The following VPS36 variants were observed in gnomAD, a reference collection of about 807,000 sequenced individuals.
VPS36 encodes vacuolar protein-sorting-associated protein 36.
In VPS36, 31 loss-of-function variants were observed where a neutral mutation model predicts 63.5. That is an observed-to-expected ratio of 0.49 (90% CI 0.37 to 0.66). The LOEUF is 0.66. Ranked by LOEUF, VPS36 falls within the 30% of genes least tolerant of loss-of-function variation. VPS36 has a pLI of 0.00. For synonymous variants in VPS36, 138 were observed against 157.2 expected, an observed-to-expected ratio of 0.88 and a Z score of 0.91; for missense variants, 338 against 463.7, an observed-to-expected ratio of 0.73 and a Z score of 2.49.
intron 1 of VPS36, among the ~76,000 whole-genome samples, chr13:52,447,940 A>T (rs1958361790): frequency 6.6e-6 from 1 of 152,218 alleles, no homozygotes; most frequent in South Asian, 2.1e-4. Context: ...TAGGCAAGTC[A>T]CTGTATCTCT....
At chr13:52,417,939 C>G in intron 11 of VPS36, 53 bp downstream of exon 11, 1 of 1,518,668 alleles carries the variant, frequency 6.6e-7, no homozygotes, top group Non-Finnish European at 9.1e-7. Flanking sequence ...TCCCATCTAC[C>G]CCATGCAGAA....
rs1303398600 is a variant in VPS36, at chr13:52,441,013, T to C, written c.165+1364A>G. The stretch of plus-strand genomic sequence containing the variant: ...AATAGGGTTCCTGCTCCTATGAGAA[T>C]CTAATGCGTCTGCTGATCTGATGGG... On this transcript the variant is annotated intron_variant, in intron 2 of 13. Transcript: ENST00000378060. Among the ~76,000 whole-genome samples the C allele has an allele frequency of 2.0e-5, 3 of 152,178 alleles. No individual in the cohort carries two copies. The East Asian group carries it at 5.8e-4, about 29-fold the overall frequency.
At position 52,442,413 on chromosome 13, in the gene VPS36, A is replaced by G. The variant is rs371441721; in HGVS notation, c.129T>C (p.Ser43=). ...IKFDAGTLLL[S]THRLIWRDQK... is the part of the protein sequence containing the mutation. ...GATCTCTCCAAATCAGTCGGTGTGT[A>G]CTAAGAAGGAGAGTCCCAGCATCAA... Residue 43 remains serine (S), a synonymous_variant, in exon 2 of 14, where the codon AGT becomes AGC. Transcript: ENST00000378060. 62 of 1,612,716 alleles carry G rather than the reference A, an allele frequency of 3.8e-5. 1 individual carries two copies. In the South Asian group the frequency reaches 5.2e-4, roughly 13 times the overall value.
chr13:52,431,329 G>A (rs958451697), intron 6 of VPS36, among the ~76,000 whole-genome samples: 5 of 152,102 alleles, frequency 3.3e-5, no homozygotes, highest in African/African-American at 9.7e-5. Flanking sequence ...AGATAAGTAC[G>A]CTCTTGTTAG....
rs1444354802 is a variant in VPS36 at position 52,413,455 on chromosome 13, A to G, written c.*2375T>C. On this transcript the variant is annotated 3_prime_UTR_variant, in exon 14 of 14. Coordinates refer to ENST00000378060, the MANE Select transcript of VPS36 (RefSeq NM_016075.4). ...ACATAACTGGCTTTAGTATGATTAAAGGTTTCTCATTTGCATATATGTTTC... is the reference window on the plus strand; with the variant it reads ...ACATAACTGGCTTTAGTATGATTAAGGGTTTCTCATTTGCATATATGTTTC... 1.3e-5 allele frequency: 2 copies of G among 152,236 alleles called. No individual in the cohort carries two copies. The highest frequency in any genetic ancestry group is 2.4e-5 in the African/African-American group (1 of 41,474). 9.4% of individuals were successfully genotyped at this position (152,236 alleles called of 1,614,324 possible). A position where few individuals can be genotyped will look rare whatever the true frequency, so the allele number is the denominator to read the frequency against.
Position 52,415,919 on chromosome 13 carries a change from G to A in VPS36, c.1072C>T (p.Leu358=), listed in dbSNP as rs574568412. The stretch of plus-strand genomic sequence containing the variant: ...AGATGGCCCATCTTCTCTGCAAGCA[G>A]CAACCTAAAAAAAAACAACAAAAAA... ...MSVLLAKERL[L]LAEKMGHLCR... is the part of the protein sequence containing the mutation. Residue 358 remains leucine, a synonymous_variant, in exon 14 of 14, where the codon CTG becomes TTG. Transcript: ENST00000378060. 108 of 1,613,336 alleles carry A rather than the reference G, an allele frequency of 6.7e-5. No individual in the cohort carries two copies. The South Asian group carries it at 1.1e-3, about 16-fold the overall frequency.
intron 12 of VPS36, among the ~76,000 whole-genome samples, chr13:52,416,515 T>G (rs1018545350): frequency 9.9e-5 from 15 of 152,114 alleles, no homozygotes; most frequent in African/African-American, 3.6e-4. Flanking sequence ...TAGTTGAAAA[T>G]GAGAAGGATA....
intron 1 of VPS36, among the ~76,000 whole-genome samples, chr13:52,448,731 T>C (rs1958369812): frequency 6.6e-6 from 1 of 152,260 alleles, no homozygotes; most frequent in Non-Finnish European, 1.5e-5. Flanking sequence ...ACAGCTATAC[T>C]GCCTGCCAGC....
intron 9 of VPS36, among the ~76,000 whole-genome samples, chr13:52,424,972 T>C (rs1348949109): frequency 7.5e-6 from 1 of 132,822 alleles, no homozygotes; most frequent in Non-Finnish European, 1.6e-5. Context: ...TGGGCGACAA[T>C]AGTGAGACTC....
At chr13:52,418,732 GTCTTCT>G (rs1290064851) in intron 10 of VPS36, among the ~76,000 whole-genome samples, 1 of 152,016 alleles carries the variant, frequency 6.6e-6, no homozygotes, top group East Asian at 1.9e-4. Context: ...TTTGTACGAA[GTCTTCT>G]GAATCTGGTG....
At position 52,431,781 on chromosome 13, in the gene VPS36, AAGAAAG is replaced by A. The variant is rs1246498921; in HGVS notation, c.528+1875_528+1880del. 6.0e-3 allele frequency among the ~76,000 whole-genome samples: 906 copies of A among 150,842 alleles called. 2 individuals carry two copies. Among genetic ancestry groups the A allele is most frequent in the African/African-American group, 0.014 (558 of 41,088 alleles). Reference sequence around the variant, plus strand: ...CTGTCTCAAAAAAAAAAAAAAAAAAAAGAAAGAAAGAAACCAGAGTTTCTCAGATAA... The same window carrying A: ...CTGTCTCAAAAAAAAAAAAAAAAAAAAAAGAAACCAGAGTTTCTCAGATAA... On this transcript the variant is annotated intron_variant, in intron 6 of 13. Transcript: ENST00000378060.
intron 6 of VPS36, among the ~76,000 whole-genome samples, chr13:52,429,771 C>T (rs931926265): frequency 6.6e-6 from 1 of 152,122 alleles, no homozygotes; most frequent in South Asian, 2.1e-4. Context: ...TTATTTTCAA[C>T]ATAACATTGA....
chr13:52,440,530 T>C (rs1958265812), intron 2 of VPS36, among the ~76,000 whole-genome samples: 1 of 151,914 alleles, frequency 6.6e-6, no homozygotes, highest in African/African-American at 2.4e-5. Context: ...CAACATCAGG[T>C]GATCCGCCCG....
chr13:52,436,632 A>T (rs904788895), intron 3 of VPS36, among the ~76,000 whole-genome samples: 1 of 152,188 alleles, frequency 6.6e-6, no homozygotes, highest in Admixed American at 6.5e-5. Context: ...GCTTCAAGTT[A>T]CTAGCTCTGT....
chr13:52,413,708 C>G lies in VPS36; in HGVS notation c.*2122G>C, dbSNP rs1957967577. Reference sequence around the variant, plus strand: ...GGAAAACAAAAAAATAATAATTATACCAGTGATAAGCACCAAGACAGAACT... The same window carrying G: ...GGAAAACAAAAAAATAATAATTATAGCAGTGATAAGCACCAAGACAGAACT... On this transcript the variant is annotated 3_prime_UTR_variant, in exon 14 of 14. Coordinates refer to ENST00000378060, the MANE Select transcript of VPS36 (RefSeq NM_016075.4). 6.6e-6 allele frequency: 1 copy of G among 152,290 alleles called. No homozygotes were observed. The highest frequency in any genetic ancestry group is 1.5e-5 in the Non-Finnish European group (1 of 68,000). The allele number at this position is 152,290 out of a possible 1,614,324, so 9.4% of individuals were successfully genotyped here.
chr13:52,447,758 C>T (rs1958359946), intron 1 of VPS36, among the ~76,000 whole-genome samples: 2 of 151,662 alleles, frequency 1.3e-5, no homozygotes, highest in Non-Finnish European at 2.9e-5. Context: ...TCAAGGGTGA[C>T]ACCGGTGACT....
chr13:52,436,018 G>T (rs970667572), intron 4 of VPS36: 2 of 300,060 alleles, frequency 6.7e-6, no homozygotes, highest in Non-Finnish European at 6.2e-6. Context: ...GCTAGCAGGC[G>T]AATGGCATGA....
intron 1 of VPS36, among the ~76,000 whole-genome samples, chr13:52,445,939 CAAAAAAAAAAAA>C (rs34529458): frequency 6.5e-4 from 10 of 15,362 alleles, no homozygotes; most frequent in African/African-American, 9.0e-4. Flanking sequence ...GACTCTATCT[CAAAAAAAAAAAA>C]AAAAAAAAAA....
intron 2 of VPS36, among the ~76,000 whole-genome samples, chr13:52,440,438 C>T (rs1464724042): frequency 3.3e-5 from 5 of 151,974 alleles, no homozygotes; most frequent in Admixed American, 2.6e-4. Context: ...GGATTACAGG[C>T]ATGTGCCACC....
Sources: allele counts gnomAD v4.1 joint callset (sites outside exome capture counted in the v4.1 genomes callset), GRCh38; gene constraint gnomAD v4.1.1; transcripts MANE v1.5; gene names NCBI Gene and HGNC (gene_info 2026-07-23, HGNC 2026-07-21).